PHF14: variants seen among roughly 807,000 people sequenced by gnomAD.
PHF14 encodes the protein PHD finger protein 14.
Under a neutral mutation model 117.9 loss-of-function variants are expected in PHF14, and 55 were observed. The ratio of observed to expected loss-of-function variants is 0.47; its 90% CI spans 0.38 to 0.58. PHF14 has a LOEUF of 0.58. Ranked by LOEUF, PHF14 falls within the 20% of genes least tolerant of loss-of-function variation. PHF14 has a pLI of 0.00. For synonymous variants in PHF14, 409 were observed against 368.6 expected (o/e 1.11, Z -1.26); for missense variants, 978 against 1,122.2 (o/e 0.87, Z 1.84).
chr7:11,154,464 G>T (rs912622719), intron 17 of PHF14, among the ~76,000 whole-genome samples: 1 of 152,050 alleles, frequency 6.6e-6, no homozygotes, highest in Non-Finnish European at 1.5e-5. Context: ...GCAACTATAT[G>T]CCTAAAAAGG....
chr7:11,153,824 T>C (rs1228443553), intron 17 of PHF14, among the ~76,000 whole-genome samples: 1 of 152,200 alleles, frequency 6.6e-6, no homozygotes, highest in African/African-American at 2.4e-5. Flanking sequence ...ATTGTCAGTG[T>C]GTTGACTTTC....
intron 10 of PHF14, among the ~76,000 whole-genome samples, chr7:11,037,663 T>A (rs1325942330): frequency 1.3e-5 from 2 of 152,200 alleles, no homozygotes; most frequent in African/African-American, 2.4e-5. Flanking sequence ...CAAAAAGAAG[T>A]ATCTTATAAA....
chr7:10,974,243 C>G lies in PHF14; in HGVS notation c.-81C>G, dbSNP rs187408489. The G allele has an allele frequency of 2.8e-4, 351 of 1,242,224 alleles. No individual in the cohort carries two copies. The highest frequency in any genetic ancestry group is 3.8e-4 in the Non-Finnish European group (332 of 867,960). The allele number at this position is 1,242,224 out of a possible 1,614,324, so 77.0% of individuals were successfully genotyped here. ...ATCTTTCGGACTTGTCTTCGCGGCC[C>G]CAGTCCCCGACCTCGGCGCTGCCTG... On this transcript the variant is annotated 5_prime_UTR_variant, in exon 1 of 18. Coordinates refer to ENST00000634607, the MANE Select transcript of PHF14 (RefSeq NM_001007157.2).
intron 17 of PHF14, among the ~76,000 whole-genome samples, chr7:11,139,675 T>C (rs1788345060): frequency 1.3e-5 from 2 of 152,178 alleles, no homozygotes; most frequent in South Asian, 2.1e-4. Flanking sequence ...AAGTCAAGTG[T>C]GTATTGTGTG....
chr7:11,038,920 A>G (rs1784408928), intron 11 of PHF14, 65 bp downstream of exon 11: 2 of 681,886 alleles, frequency 2.9e-6, no homozygotes, highest in Admixed American at 5.5e-5. Context: ...CAAAGAACAG[A>G]TTTTTGATAC....
intron 5 of PHF14, chr7:11,015,292 A>G (rs980790175): frequency 6.6e-6 from 1 of 152,192 alleles, no homozygotes; most frequent in Admixed American, 6.5e-5. Flanking sequence ...TTGCCATACA[A>G]GATTGCTGGG....
chr7:11,023,119 A>T, intron 6 of PHF14, 140 bp downstream of exon 6: 2 of 516,194 alleles, frequency 3.9e-6, no homozygotes, highest in South Asian at 3.2e-5. Context: ...TTTATTATTG[A>T]TAGTAGTTTT....
At chr7:10,995,731 A>G (rs969200842) in intron 4 of PHF14, among the ~76,000 whole-genome samples, 3 of 152,128 alleles carry the variant, frequency 2.0e-5, no homozygotes, top group Admixed American at 6.5e-5. Context: ...AGAATTTGAG[A>G]GCAGCGCCGG....
At chr7:11,123,924 A>G (rs1787848375) in intron 17 of PHF14, among the ~76,000 whole-genome samples, 1 of 152,140 alleles carries the variant, frequency 6.6e-6, no homozygotes, top group Non-Finnish European at 1.5e-5. Context: ...TCTCAAAAAA[A>G]AAAAAACTAG....
intron 17 of PHF14, among the ~76,000 whole-genome samples, chr7:11,144,004 C>T (rs528017879): frequency 3.9e-5 from 6 of 152,052 alleles, no homozygotes; most frequent in African/African-American, 1.4e-4. Flanking sequence ...TAGAACATAC[C>T]TGGAACTCTA....
chr7:11,122,331 T>TTATATATATATATATATA lies in PHF14; in HGVS notation c.2772+10869_2772+10886dup, dbSNP rs146463909. On this transcript the variant is annotated intron_variant, in intron 17 of 17. Transcript: ENST00000634607. Reference sequence around the variant, plus strand: ...AAGGGGAGATTACTGTTTGTACTTTTTATATATATATATATATATATACAC... The same window carrying TTATATATATATATATATA: ...AAGGGGAGATTACTGTTTGTACTTTTTATATATATATATATATATATATATATATATATATATATACAC... 1.8e-3 allele frequency among the ~76,000 whole-genome samples: 148 copies of TTATATATATATATATATA among 83,962 alleles called. 1 individual carries two copies. The highest frequency in any genetic ancestry group is 2.8e-3 in the African/African-American group (47 of 16,908). 55.1% of individuals were successfully genotyped at this position (83,962 alleles called of 152,430 possible).
intron 16 of PHF14, among the ~76,000 whole-genome samples, chr7:11,074,245 C>G (rs1235404466): frequency 2.7e-5 from 4 of 147,966 alleles, no homozygotes; most frequent in Non-Finnish European, 5.9e-5. Context: ...GAGTCTTGCT[C>G]TGTTGCCCAG....
chr7:11,081,686 C>G (rs2128336379), intron 16 of PHF14, among the ~76,000 whole-genome samples: 1 of 151,526 alleles, frequency 6.6e-6, no homozygotes, highest in African/African-American at 2.4e-5. Flanking sequence ...GAAACCCTGT[C>G]TCTAGTAAAA....
At chr7:11,081,361 A>G (rs1039064489) in intron 16 of PHF14, among the ~76,000 whole-genome samples, 1 of 152,218 alleles carries the variant, frequency 6.6e-6, no homozygotes, top group African/African-American at 2.4e-5. Context: ...CAATTTTTAT[A>G]TAAGAATATT....
chr7:11,092,011 A>C (rs974260062), intron 16 of PHF14, among the ~76,000 whole-genome samples: 2 of 152,264 alleles, frequency 1.3e-5, no homozygotes, highest in Middle Eastern at 3.4e-3. Context: ...AGAGAAATTT[A>C]ATTACCATGT....
chr7:11,046,139 T>C (rs1784654742), intron 13 of PHF14, among the ~76,000 whole-genome samples: 1 of 152,212 alleles, frequency 6.6e-6, no homozygotes, highest in South Asian at 2.1e-4. Context: ...GTATTTAAAA[T>C]GCATTTTGTC....
intron 2 of PHF14, among the ~76,000 whole-genome samples, chr7:10,978,001 C>G (rs764927286): frequency 2.6e-5 from 4 of 152,266 alleles, no homozygotes; most frequent in African/African-American, 9.6e-5. Context: ...ATTAACCAGA[C>G]AGATTAGCCA....
rs375596326 is a variant in PHF14 at position 10,999,871 on chromosome 7, T to A, written c.1045+9024T>A. 1.4e-4 allele frequency among the ~76,000 whole-genome samples: 21 copies of A among 152,250 alleles called. No homozygotes were observed. The East Asian group carries it at 1.7e-3, about 13-fold the overall frequency. On this transcript the variant is annotated intron_variant, in intron 4 of 17. Transcript: ENST00000634607. Reference sequence around the variant, plus strand: ...CATGTAACAACTCTTCTTGTGTAATTGATTTAACTGACTTTGATGGCAGTC... The same window carrying A: ...CATGTAACAACTCTTCTTGTGTAATAGATTTAACTGACTTTGATGGCAGTC...
chr7:11,024,045 A>T (rs1783826918), intron 6 of PHF14, among the ~76,000 whole-genome samples: 1 of 152,308 alleles, frequency 6.6e-6, no homozygotes, highest in African/African-American at 2.4e-5. Context: ...TCTTGAAGGA[A>T]ATTGAAAGTG....
Sources: allele counts gnomAD v4.1 joint callset (sites outside exome capture counted in the v4.1 genomes callset), GRCh38; gene constraint gnomAD v4.1.1; transcripts MANE v1.5; gene names NCBI Gene and HGNC (gene_info 2026-07-23, HGNC 2026-07-21).